PRDM16: variants seen among roughly 807,000 people sequenced by gnomAD.
PRDM16 encodes histone-lysine N-methyltransferase PRDM16.
In PRDM16, 23 loss-of-function variants were observed where a neutral mutation model predicts 110.6. That is an observed-to-expected ratio of 0.21 (90% confidence interval 0.15 to 0.29). The LOEUF is 0.29. PRDM16 is among the 10% of genes least tolerant of loss of function. PRDM16 has a pLI of 1.00. For synonymous variants in PRDM16, 799 were observed against 781.8 expected (o/e 1.02, Z -0.37); for missense variants, 1,615 against 1,794.3 (o/e 0.90, Z 1.81).
intron 6 of PRDM16, among the ~76,000 whole-genome samples, chr1:3,403,296 C>T (rs879751746): frequency 3.3e-5 from 5 of 152,242 alleles, no homozygotes; most frequent in Admixed American, 6.5e-5. Context: ...ATGGCCCTGC[C>T]TGCCAGGGCT....
rs78553646 is a variant in PRDM16, at chr1:3,098,991, G to A, written c.37+29695G>A. On this transcript the variant is annotated intron_variant, in intron 1 of 16. Coordinates refer to ENST00000270722, the MANE Select transcript of PRDM16 (RefSeq NM_022114.4). ...CTGAGGAGGGCGAGAAAAGGAGCTG[G>A]TCCATCCCTGGCTGAGTAGGAGGGT... is the stretch of plus-strand genomic sequence containing the variant. Among the ~76,000 whole-genome samples the A allele has an allele frequency of 7.4e-3, 1,132 of 152,360 alleles. 11 individuals carry two copies. The highest frequency in any genetic ancestry group is 0.025 in the African/African-American group (1,054 of 41,582).
chr1:3,431,944 C>T (rs779697085), intron 15 of PRDM16, 22 bp from the exon 16 acceptor site: 17 of 1,605,322 alleles, frequency 1.1e-5, no homozygotes, highest in East Asian at 4.5e-5. Context: ...CAGGCCTTCC[C>T]TCTCCCCGGT....
At position 3,255,489 on chromosome 1, in the gene PRDM16, C is replaced by G. The variant is rs546185161; in HGVS notation, c.438+11352C>G. Among the ~76,000 whole-genome samples, 4 of 152,088 alleles carry G rather than the reference C, an allele frequency of 2.6e-5. No individual in the cohort carries two copies. The South Asian group carries it at 6.2e-4, about 24-fold the overall frequency. On this transcript the variant is annotated intron_variant, in intron 3 of 16. Transcript: ENST00000270722. This position sits in a 1 kb window ranked among gnomAD's most constrained non-coding sequence, Gnocchi z 4.7. The stretch of plus-strand genomic sequence containing the variant: ...CAGTTGGGCTCAGAGAGAGGCAAGA[C>G]AGTGGGGCGGAGTCCTGGGAGGAGG...
At chr1:3,195,347 G>T (rs770655906) in intron 2 of PRDM16, among the ~76,000 whole-genome samples, 2 of 152,130 alleles carry the variant, frequency 1.3e-5, no homozygotes, top group Non-Finnish European at 2.9e-5. Flanking sequence ...GGAGGCACGG[G>T]TATATAAGGA....
At chr1:3,188,032 C>T (rs1384146890) in intron 2 of PRDM16, among the ~76,000 whole-genome samples, 4 of 152,128 alleles carry the variant, frequency 2.6e-5, no homozygotes, top group Admixed American at 2.0e-4. Flanking sequence ...CCCAGTGAAG[C>T]AGGACAGGGA....
At chr1:3,367,066 G>C (rs866147021) in intron 3 of PRDM16, among the ~76,000 whole-genome samples, 1 of 152,212 alleles carries the variant, frequency 6.6e-6, no homozygotes, top group African/African-American at 2.4e-5. Flanking sequence ...TCAGGAGTTC[G>C]AGACCAGTCT....
In PRDM16 at chr1:3,412,652, G is replaced by C. The variant is rs755243204; in HGVS notation, c.2455G>C (p.Gly819Arg). The C allele has an allele frequency of 5.8e-6, 9 of 1,541,344 alleles. No homozygotes were observed. Among genetic ancestry groups the C allele is most frequent in the Non-Finnish European group, 7.9e-6 (9 of 1,144,272 alleles). The change falls in exon 9 of 17, where the codon GGG (glycine) becomes CGG (arginine). Residue 819 changes from glycine (G) to arginine (R), a missense_variant. By Grantham distance (125) the Gly-to-Arg change is moderately radical. Around this residue, in one of 5 missense-constraint regions of PRDM16, gnomAD observed 772 missense variants for 748.3 expected, o/e 1.03. Transcript: ENST00000270722. ...SRARASQNGG[G>R]REPRKNHVYG... The stretch of plus-strand genomic sequence containing the variant: ...GGCCCGTGCCAGCCAAAACGGCGGC[G>C]GGCGGGAGCCCCGCAAGAACCACGT...
chr1:3,182,338 G>T (rs1416162476), intron 1 of PRDM16, among the ~76,000 whole-genome samples: 1 of 152,200 alleles, frequency 6.6e-6, no homozygotes, highest in African/African-American at 2.4e-5. Context: ...CACTGCTCGT[G>T]TGGCCCTGGC....
intron 4 of PRDM16, among the ~76,000 whole-genome samples, chr1:3,392,041 G>A (rs946699279): frequency 6.6e-6 from 1 of 152,250 alleles, no homozygotes; most frequent in African/African-American, 2.4e-5. Flanking sequence ...GAAGCCGGGA[G>A]CAGCACTGAG....
intron 3 of PRDM16, among the ~76,000 whole-genome samples, chr1:3,262,738 A>C (rs1199747642): frequency 6.6e-6 from 1 of 152,216 alleles, no homozygotes; most frequent in African/African-American, 2.4e-5. Flanking sequence ...AGTAATGACA[A>C]CACACAGAAA....
In PRDM16 at chr1:3,190,911, G is replaced by T. The variant is rs116925931; in HGVS notation, c.387+4437G>T. ...GGAGGAGGCCATGGGTGAGGCACTGGGGAGGCCACCTGCCCCCGGCTGGGC... is the reference window on the plus strand; with the variant it reads ...GGAGGAGGCCATGGGTGAGGCACTGTGGAGGCCACCTGCCCCCGGCTGGGC... On this transcript the variant is annotated intron_variant, in intron 2 of 16. Coordinates refer to ENST00000270722, the MANE Select transcript of PRDM16 (RefSeq NM_022114.4). This position sits in a 1 kb window ranked among gnomAD's most constrained non-coding sequence, Gnocchi z 5.0. Among the ~76,000 whole-genome samples, 1,870 of 152,314 alleles carry T rather than the reference G, an allele frequency of 0.012. 69 individuals are homozygous for T. The highest frequency in any genetic ancestry group is 0.1 in the East Asian group (516 of 5,158).
chr1:3,302,658 C>T (rs1641230954), intron 3 of PRDM16, among the ~76,000 whole-genome samples: 1 of 152,234 alleles, frequency 6.6e-6, no homozygotes, highest in Non-Finnish European at 1.5e-5. Context: ...ACCTTGCAGC[C>T]TCTCTGTGCC....
chr1:3,359,261 A>G lies in PRDM16; in HGVS notation c.439-25891A>G, dbSNP rs1642668949. On this transcript the variant is annotated intron_variant, in intron 3 of 16. Transcript: ENST00000270722. The surrounding 1 kb of genome is among the most constrained non-coding windows in gnomAD (Gnocchi z 4.3). Reference sequence around the variant, plus strand: ...CACTATGTTCCCCAGGCTTATACACATTTTTAAATGCAGACTTGTTGAAGT... The same window carrying G: ...CACTATGTTCCCCAGGCTTATACACGTTTTTAAATGCAGACTTGTTGAAGT... Among the ~76,000 whole-genome samples, 1 of 152,092 alleles carries G rather than the reference A, an allele frequency of 6.6e-6. No individual in the cohort carries two copies.
intron 1 of PRDM16, among the ~76,000 whole-genome samples, chr1:3,072,519 C>A (rs1007583892): frequency 6.6e-6 from 1 of 152,200 alleles, no homozygotes; most frequent in African/African-American, 2.4e-5. Context: ...GTGTGTCTTG[C>A]TCGTGTTTGA....
At chr1:3,197,220 T>C (rs1476437977) in intron 2 of PRDM16, among the ~76,000 whole-genome samples, 1 of 152,094 alleles carries the variant, frequency 6.6e-6, no homozygotes, top group African/African-American at 2.4e-5. Flanking sequence ...AAGAGTCATA[T>C]GCGACCATGG....
chr1:3,338,110 C>A (rs769629254), intron 3 of PRDM16, among the ~76,000 whole-genome samples: 1 of 152,262 alleles, frequency 6.6e-6, no homozygotes, highest in Non-Finnish European at 1.5e-5. Context: ...CATCTAGCTT[C>A]ATGAAGCTCT....
rs1314212498 is a variant in PRDM16 at position 3,210,991 on chromosome 1, G to A, written c.387+24517G>A. On this transcript the variant is annotated intron_variant, in intron 2 of 16. Coordinates refer to ENST00000270722, the MANE Select transcript of PRDM16 (RefSeq NM_022114.4). ...TTGTCCACGCATTCATGAGATATTT[G>A]TCTATTCACTCATTAGGCATGTATT... Among the ~76,000 whole-genome samples the A allele has an allele frequency of 3.3e-5, 5 of 152,174 alleles. No individual in the cohort carries two copies. In the East Asian group the frequency reaches 7.7e-4, roughly 23 times the overall value.
chr1:3,277,687 G>A (rs910826515), intron 3 of PRDM16, among the ~76,000 whole-genome samples: 1 of 152,236 alleles, frequency 6.6e-6, no homozygotes, highest in Non-Finnish European at 1.5e-5. Context: ...AGCTCCCGGA[G>A]CAGGGGAAGT....
At chr1:3,215,106 C>T (rs546125944) in intron 2 of PRDM16, among the ~76,000 whole-genome samples, 17 of 152,310 alleles carry the variant, frequency 1.1e-4, no homozygotes, top group African/African-American at 3.4e-4. Flanking sequence ...GCTTCCCCAT[C>T]GCTGCTGTTG....
Sources: allele counts gnomAD v4.1 joint callset (sites outside exome capture counted in the v4.1 genomes callset), GRCh38; gene constraint gnomAD v4.1.1; regional missense constraint gnomAD v4.1.1; non-coding constraint Gnocchi (gnomAD v3.1); transcripts MANE v1.5; gene names NCBI Gene and HGNC (gene_info 2026-07-23, HGNC 2026-07-21).